Variants in NCF2 observed in about 807,000 individuals in gnomAD.
NCF2 encodes the protein neutrophil cytosol factor 2.
NCF2 carries 45 observed loss-of-function variants against 70.9 expected under a neutral mutation model. The ratio of observed to expected loss-of-function variants is 0.63; its 90% CI spans 0.50 to 0.81. The LOEUF (loss-of-function observed/expected upper bound fraction) is 0.81, where lower values mean the gene tolerates loss of function less well. Ranked by LOEUF, NCF2 falls within the 40% of genes least tolerant of loss-of-function variation. The pLI, the probability that NCF2 is intolerant of heterozygous loss-of-function variation, is 0.00. For synonymous variants in NCF2, 203 were observed against 233.6 expected (o/e 0.87, Z 1.19); for missense variants, 522 against 631.6 (o/e 0.83, Z 1.86).
the NCF2 span, among the ~76,000 whole-genome samples, chr1:183,597,605 C>A: frequency 6.6e-4 from 100 of 152,174 alleles, 2 homozygotes; most frequent in Non-Finnish European, 1.1e-3. Context: ...TCAACTCTTG[C>A]CCACCCGTCT....
intron 8 of NCF2, 27 bp downstream of exon 8, chr1:183,567,177 C>T (rs201901727): frequency 2.2e-5 from 35 of 1,614,130 alleles, no homozygotes; most frequent in African/African-American, 1.1e-4. Context: ...CCATGCCCAT[C>T]GCACCAGCCC....
At chr1:183,565,270 A>G (rs190106191) in intron 10 of NCF2, among the ~76,000 whole-genome samples, 1 of 152,200 alleles carries the variant, frequency 6.6e-6, no homozygotes, top group East Asian at 1.9e-4. Context: ...ACATCTGCCC[A>G]TTGGTTCTTT....
Position 183,560,310 on chromosome 1 carries a change from C to T in NCF2, c.1291-37G>A, listed in dbSNP as rs753696208. The T allele has an allele frequency of 1.6e-5, 26 of 1,610,272 alleles. No individual in the cohort carries two copies. The Admixed American group carries it at 4.3e-4, about 27-fold the overall frequency. ...AAGGGCCTGTTAATTTTCCCAATTT[C>T]CTGCCAAGTGAACACTGAACATCAC... On this transcript the variant is annotated intron_variant, in intron 13 of 14. Transcript: ENST00000367535.
At chr1:183,582,930 A>G (rs1673179726) in intron 2 of NCF2, among the ~76,000 whole-genome samples, 1 of 151,904 alleles carries the variant, frequency 6.6e-6, no homozygotes. Flanking sequence ...TTGGAACTTT[A>G]TAATGACGGA....
At chr1:183,567,881 C>T (rs1672381686) in intron 7 of NCF2, among the ~76,000 whole-genome samples, 1 of 152,086 alleles carries the variant, frequency 6.6e-6, no homozygotes, top group Non-Finnish European at 1.5e-5. Context: ...TCTGAGGCTG[C>T]CCAGCTGCCG....
the NCF2 span, among the ~76,000 whole-genome samples, chr1:183,600,169 G>T: frequency 6.6e-6 from 1 of 152,104 alleles, no homozygotes; most frequent in Admixed American, 6.5e-5. Flanking sequence ...TGTAAAGATC[G>T]GCTCCTAAGT....
At chr1:183,579,771 A>G (rs1672976772) in intron 2 of NCF2, among the ~76,000 whole-genome samples, 3 of 150,040 alleles carry the variant, frequency 2.0e-5, no homozygotes, top group Non-Finnish European at 4.4e-5. Context: ...AAAAGAGAAT[A>G]ATAACAGCAT....
rs1672559116 is a variant in NCF2, at chr1:183,571,426, C to A, written c.610-587G>T. Among the ~76,000 whole-genome samples, 3 of 152,268 alleles carry A rather than the reference C, an allele frequency of 2.0e-5. No homozygotes were observed. The South Asian group carries it at 6.2e-4, about 32-fold the overall frequency. ...GCCACCACGCCCAGCCCAAATTAATCATTTTAAAGTGAATGATTCAGTGGC... is the reference window on the plus strand; with the variant it reads ...GCCACCACGCCCAGCCCAAATTAATAATTTTAAAGTGAATGATTCAGTGGC... On this transcript the variant is annotated intron_variant, in intron 5 of 14. Transcript: ENST00000367535.
intron 2 of NCF2, among the ~76,000 whole-genome samples, chr1:183,586,077 G>A (rs949921609): frequency 6.6e-6 from 1 of 152,270 alleles, no homozygotes; most frequent in Non-Finnish European, 1.5e-5. Context: ...GCACATGCCT[G>A]TAATCCCAGC....
intron 2 of NCF2, among the ~76,000 whole-genome samples, chr1:183,580,850 G>A (rs1287858063): frequency 3.9e-5 from 6 of 151,900 alleles, no homozygotes; most frequent in African/African-American, 9.7e-5. Context: ...GTGGTGGTGC[G>A]TGCCTATAGT....
chr1:183,574,605 G>C lies in NCF2; in HGVS notation c.383C>G (p.Ala128Gly). The change falls in exon 4 of 15, where the codon GCT (alanine) becomes GGT (glycine). Residue 128 changes from alanine (A) to glycine (G), a missense_variant. Ala to Gly is a moderately conservative substitution (Grantham distance 60). Coordinates refer to ENST00000367535, the MANE Select transcript of NCF2 (RefSeq NM_000433.4). ...TTCCTCCTTCTTGGCATACATGAAA[G>C]CAATGTTATATAACACCTAGAAAAG... ...LFACEVLYNI[A>G]FMYAKKEEWK... The C allele has an allele frequency of 6.2e-7, 1 of 1,614,142 alleles. No homozygotes were observed. Among genetic ancestry groups the C allele is most frequent in the Non-Finnish European group, 8.5e-7 (1 of 1,180,016 alleles).
chr1:183,565,802 G>A (rs1464071530), intron 9 of NCF2, 23 bp from the exon 10 acceptor site: 9 of 1,612,294 alleles, frequency 5.6e-6, no homozygotes, highest in Non-Finnish European at 7.6e-6. Flanking sequence ...GGGAGCGACG[G>A]TCAGAACCTT....
chr1:183,577,760 C>T, intron 2 of NCF2, 53 bp from the exon 3 acceptor site: 1 of 1,285,630 alleles, frequency 7.8e-7, no homozygotes, highest in Non-Finnish European at 1.1e-6. Flanking sequence ...GAAATAAATG[C>T]AGCATAAAAT....
chr1:183,575,621 A>T, intron 3 of NCF2, among the ~76,000 whole-genome samples: 1 of 152,334 alleles, frequency 6.6e-6, no homozygotes, highest in East Asian at 1.9e-4. Context: ...TAAATAGGAT[A>T]TTATGGAAAT....
chr1:183,590,813 A>G (rs1451926237), upstream of NCF2: 4 of 204,412 alleles, frequency 2.0e-5, no homozygotes, highest in Admixed American at 1.6e-4. Context: ...CTAGGCAGAT[A>G]GGGGCAGGTC....
intron 13 of NCF2, among the ~76,000 whole-genome samples, chr1:183,561,210 T>C (rs992855369): frequency 2.0e-5 from 3 of 152,236 alleles, no homozygotes; most frequent in African/African-American, 7.2e-5. Context: ...ATGTGAATCA[T>C]AGAATTTAAC....
intron 11 of NCF2, 192 bp from the exon 12 acceptor site, chr1:183,563,777 A>T: frequency 1.2e-6 from 1 of 815,242 alleles, no homozygotes; most frequent in Non-Finnish European, 2.0e-6. Flanking sequence ...TTGGACAGGA[A>T]TTCCTACTGA....
At chr1:183,586,812 G>T in intron 2 of NCF2, 83 bp downstream of exon 2, 1 of 1,290,426 alleles carries the variant, frequency 7.7e-7, no homozygotes, top group Non-Finnish European at 1.1e-6. Context: ...GGAAGGTACT[G>T]CTCAAACACC....
intron 13 of NCF2, among the ~76,000 whole-genome samples, chr1:183,562,823 C>CA (rs869202704): frequency 0.037 from 3,971 of 107,430 alleles, 71 homozygotes; most frequent in Middle Eastern, 0.055. Flanking sequence ...GACTCCATCT[C>CA]AAAAAAAAAA....
Sources: allele counts gnomAD v4.1 joint callset (sites outside exome capture counted in the v4.1 genomes callset), GRCh38; gene constraint gnomAD v4.1.1; transcripts MANE v1.5; gene names NCBI Gene and HGNC (gene_info 2026-07-23, HGNC 2026-07-21).